The following FRMD4B variants were observed in gnomAD, a reference collection of about 807,000 sequenced individuals.
FRMD4B encodes FERM domain containing 4B, also known as FERM domain-containing protein 4B.
In FRMD4B, 74 loss-of-function variants were observed where a neutral mutation model predicts 141.5. The ratio of observed to expected loss-of-function variants is 0.52; its 90% CI spans 0.43 to 0.63. The LOEUF is 0.63. Ranked by LOEUF, FRMD4B falls within the 30% of genes least tolerant of loss-of-function variation. The pLI is 0.00. For synonymous variants in FRMD4B, 506 were observed against 467.9 expected, an observed-to-expected ratio of 1.08 and a Z score of -1.05; for missense variants, 1,366 against 1,253.4, an observed-to-expected ratio of 1.09 and a Z score of -1.36.
At chr3:69,183,810 A>G (rs895867815) in intron 19 of FRMD4B, among the ~76,000 whole-genome samples, 2 of 151,858 alleles carry the variant, frequency 1.3e-5, no homozygotes, top group African/African-American at 4.8e-5. Context: ...ACTAAAAATA[A>G]TTTTGATCAA....
chr3:69,343,230 G>A (rs976194359), intron 1 of FRMD4B, among the ~76,000 whole-genome samples: 1 of 152,090 alleles, frequency 6.6e-6, no homozygotes, highest in African/African-American at 2.4e-5. Context: ...TGGAATTGAA[G>A]GCACGAGCCA....
chr3:69,419,421 T>C (rs975204029), intron 2 of FRMD4B, among the ~76,000 whole-genome samples: 4 of 152,166 alleles, frequency 2.6e-5, no homozygotes, highest in African/African-American at 4.8e-5. Context: ...TGGCCACTCA[T>C]AGGTCCAGGC....
intron 1 of FRMD4B, among the ~76,000 whole-genome samples, chr3:69,338,382 A>T (rs1306054284): frequency 1.3e-5 from 2 of 152,196 alleles, no homozygotes; most frequent in East Asian, 3.9e-4. Context: ...GGTGCAGCAC[A>T]CCAACATGGC....
chr3:69,416,176 C>A (rs911814834), intron 2 of FRMD4B, among the ~76,000 whole-genome samples: 1 of 152,100 alleles, frequency 6.6e-6, no homozygotes, highest in Non-Finnish European at 1.5e-5. Flanking sequence ...AATAAGCATC[C>A]CCAAAGATGC....
intron 11 of FRMD4B, among the ~76,000 whole-genome samples, chr3:69,203,320 CAAAAAAAAAAAAA>C (rs796607832): frequency 9.3e-6 from 1 of 107,898 alleles, no homozygotes; most frequent in African/African-American, 3.7e-5. Context: ...CAAACTTCAG[CAAAAAAAAAAAAA>C]AAAAAAAAAA....
At chr3:69,453,967 C>T (rs532876248) in intron 1 of FRMD4B, among the ~76,000 whole-genome samples, 18 of 152,258 alleles carry the variant, frequency 1.2e-4, no homozygotes, top group Non-Finnish European at 2.4e-4. Context: ...ATGTGTCCCC[C>T]GCACTGGGAC....
intron 17 of FRMD4B, among the ~76,000 whole-genome samples, chr3:69,191,264 AC>A (rs1241265330): frequency 6.6e-6 from 1 of 152,134 alleles, no homozygotes; most frequent in Non-Finnish European, 1.5e-5. Context: ...TATGAAAAAT[AC>A]AAAAATTAGC....
At chr3:69,309,293 G>A (rs1701493537) in intron 3 of FRMD4B, among the ~76,000 whole-genome samples, 1 of 123,308 alleles carries the variant, frequency 8.1e-6, no homozygotes, top group African/African-American at 3.0e-5. Flanking sequence ...ACCACACCTG[G>A]CTGATTTTTA....
At chr3:69,210,520 G>A (rs2093065139) in intron 11 of FRMD4B, among the ~76,000 whole-genome samples, 1 of 151,936 alleles carries the variant, frequency 6.6e-6, no homozygotes, top group Admixed American at 6.6e-5. Context: ...TTCTCTAAGA[G>A]TTTGCAATGA....
chr3:69,333,899 T>G (rs1162481617), intron 1 of FRMD4B: 1 of 152,164 alleles, frequency 6.6e-6, no homozygotes, highest in African/African-American at 2.4e-5. Context: ...ATAATTGAAG[T>G]GGCCAGAAAT....
intron 1 of FRMD4B, among the ~76,000 whole-genome samples, chr3:69,499,466 A>T (rs553141297): frequency 5.3e-5 from 8 of 152,272 alleles, no homozygotes; most frequent in African/African-American, 1.7e-4. Context: ...TTTGCATGGG[A>T]GCTGATAGGA....
intron 2 of FRMD4B, among the ~76,000 whole-genome samples, chr3:69,429,307 A>G (rs1184651664): frequency 6.6e-6 from 1 of 152,238 alleles, no homozygotes. Flanking sequence ...AAGAATGTGC[A>G]TTTAGAATTT....
At chr3:69,335,625 C>T (rs771577020) in intron 1 of FRMD4B, among the ~76,000 whole-genome samples, 11 of 151,772 alleles carry the variant, frequency 7.2e-5, no homozygotes, top group African/African-American at 2.7e-4. Context: ...CCCATAATTG[C>T]ACTCTTAAGG....
At chr3:69,265,628 T>G (rs1309108347) in intron 5 of FRMD4B, among the ~76,000 whole-genome samples, 1 of 151,498 alleles carries the variant, frequency 6.6e-6, no homozygotes, top group Non-Finnish European at 1.5e-5. Flanking sequence ...TTTGTATTTT[T>G]AGTAGTGACG....
intron 2 of FRMD4B, among the ~76,000 whole-genome samples, chr3:69,312,896 A>G (rs1443572217): frequency 6.6e-6 from 1 of 152,190 alleles, no homozygotes; most frequent in African/African-American, 2.4e-5. Context: ...CTGAAAAAAA[A>G]AAATATATCT....
At chr3:69,323,653 T>TATATATATATAA (rs1553723964) in intron 1 of FRMD4B, among the ~76,000 whole-genome samples, 1 of 128,308 alleles carries the variant, frequency 7.8e-6, no homozygotes, top group African/African-American at 2.9e-5. Context: ...TATATATATA[T>TATATATATATAA]GCGTTTTAAA....
At chr3:69,208,253 G>T (rs775223356) in intron 11 of FRMD4B, among the ~76,000 whole-genome samples, 1 of 151,914 alleles carries the variant, frequency 6.6e-6, no homozygotes, top group South Asian at 2.1e-4. Flanking sequence ...TAGTAGAGAC[G>T]GGGTTTCACC....
chr3:69,281,009 C>G (rs1559775331), intron 5 of FRMD4B, among the ~76,000 whole-genome samples: 1 of 152,084 alleles, frequency 6.6e-6, no homozygotes, highest in Non-Finnish European at 1.5e-5. Context: ...CAGCTCACCA[C>G]AACCTCTGCC....
At chr3:69,513,377 C>T (rs1056662007) in intron 1 of FRMD4B, among the ~76,000 whole-genome samples, 1 of 152,042 alleles carries the variant, frequency 6.6e-6, no homozygotes, top group African/African-American at 2.4e-5. Context: ...TCTGAACAGA[C>T]CCGTAACTAA....
Sources: allele counts gnomAD v4.1 joint callset (sites outside exome capture counted in the v4.1 genomes callset), GRCh38; gene constraint gnomAD v4.1.1; transcripts MANE v1.5; gene names NCBI Gene and HGNC (gene_info 2026-07-23, HGNC 2026-07-21).